The following SGCD variants were observed in gnomAD, a reference collection of about 807,000 sequenced individuals.
SGCD encodes delta-sarcoglycan.
In SGCD, 18 loss-of-function variants were observed where a neutral mutation model predicts 36.6. That is an observed-to-expected ratio of 0.49 (90% CI 0.34 to 0.73). The LOEUF is 0.73. SGCD is among the 30% of genes least tolerant of loss of function. The pLI is 0.01. For synonymous variants in SGCD, 133 were observed against 130.6 expected, an observed-to-expected ratio of 1.02 and a Z score of -0.12; for missense variants, 387 against 346.7, an observed-to-expected ratio of 1.12 and a Z score of -0.92.
the SGCD span, among the ~76,000 whole-genome samples, chr5:155,845,254 A>G: frequency 6.6e-6 from 1 of 152,106 alleles, no homozygotes; most frequent in Non-Finnish European, 1.5e-5. Context: ...CATTTATAGT[A>G]ATTACTACCA....
At chr5:156,014,775 G>C (rs900107696) in intron 1 of SGCD, among the ~76,000 whole-genome samples, 1 of 152,060 alleles carries the variant, frequency 6.6e-6, no homozygotes, top group African/African-American at 2.4e-5. Context: ...TCTTAGTTTA[G>C]AACAGCCCTC....
chr5:156,618,046 C>A (rs1280392839), intron 6 of SGCD, among the ~76,000 whole-genome samples: 3 of 152,182 alleles, frequency 2.0e-5, no homozygotes, highest in African/African-American at 4.8e-5. Context: ...CTCTTTGCTT[C>A]TTTTTCCTTT....
intron 1 of SGCD, among the ~76,000 whole-genome samples, chr5:156,116,191 T>C (rs984922056): frequency 1.3e-5 from 2 of 152,112 alleles, no homozygotes; most frequent in Admixed American, 1.3e-4. Flanking sequence ...ATGATCTGGT[T>C]CTCCAAAGAT....
rs373523572 is a variant in SGCD at position 156,164,432 on chromosome 5, C to T, written c.-44+40413C>T. Among the ~76,000 whole-genome samples the T allele has an allele frequency of 3.3e-5, 5 of 152,094 alleles. No homozygotes were observed. In the East Asian group the frequency reaches 9.6e-4, roughly 29 times the overall value. On this transcript the variant is annotated intron_variant, in intron 3 of 9. Transcript: ENST00000517913. ...TCTGCCTTTTCAGCCTTGTTCCCCACTCCCACCCTTGCAGCTCCTTTCATG... is the reference window on the plus strand; with the variant it reads ...TCTGCCTTTTCAGCCTTGTTCCCCATTCCCACCCTTGCAGCTCCTTTCATG...
intron 6 of SGCD, among the ~76,000 whole-genome samples, chr5:156,609,832 C>T (rs992546342): frequency 5.9e-5 from 9 of 152,200 alleles, no homozygotes; most frequent in Non-Finnish European, 5.9e-5. Flanking sequence ...TCCAGTTGAT[C>T]GAATCGGCTC....
chr5:156,706,138 T>C (rs1754731073), intron 7 of SGCD, among the ~76,000 whole-genome samples: 1 of 152,140 alleles, frequency 6.6e-6, no homozygotes, highest in African/African-American at 2.4e-5. Flanking sequence ...CAATAGCAGG[T>C]ACAAATTCCA....
chr5:156,360,309 AC>A (rs1398798992), intron 3 of SGCD, among the ~76,000 whole-genome samples: 4 of 147,626 alleles, frequency 2.7e-5, no homozygotes, highest in Non-Finnish European at 5.9e-5. Context: ...GTGCAATGGC[AC>A]AGTCTTGGCT....
chr5:156,165,781 C>T (rs540176732), intron 3 of SGCD, among the ~76,000 whole-genome samples: 1 of 152,274 alleles, frequency 6.6e-6, no homozygotes, highest in Admixed American at 6.5e-5. Context: ...TCATTACTTT[C>T]TCTGGCTTAC....
chr5:156,608,461 C>A (rs143073862), intron 6 of SGCD, among the ~76,000 whole-genome samples: 10,379 of 152,208 alleles, frequency 0.068, 500 homozygotes, highest in Non-Finnish European at 0.11. Context: ...GCTTTACTTC[C>A]AACTATGTGG....
At chr5:156,479,904 G>T (rs1755348675) in intron 3 of SGCD, among the ~76,000 whole-genome samples, 1 of 152,170 alleles carries the variant, frequency 6.6e-6, no homozygotes, top group Non-Finnish European at 1.5e-5. Flanking sequence ...TACCCGCTTT[G>T]ACCTGAATAT....
intron 1 of SGCD, among the ~76,000 whole-genome samples, chr5:156,067,654 C>T (rs1035459305): frequency 8.7e-6 from 1 of 114,456 alleles, no homozygotes; most frequent in Non-Finnish European, 1.6e-5. Context: ...TGCGCCGTTT[C>T]TTAAGCCGGT....
chr5:156,605,171 G>A (rs1761378457), intron 6 of SGCD, among the ~76,000 whole-genome samples: 2 of 151,978 alleles, frequency 1.3e-5, no homozygotes. Context: ...TTTAACATGA[G>A]GTATATCTCA....
rs1289757738 is a variant in SGCD at position 156,506,378 on chromosome 5, C to A, written c.193-2223C>A. Among the ~76,000 whole-genome samples the A allele has an allele frequency of 2.0e-5, 3 of 152,218 alleles. No individual in the cohort carries two copies. In the East Asian group the frequency reaches 5.8e-4, roughly 29 times the overall value. On this transcript the variant is annotated intron_variant, in intron 3 of 8. Transcript: ENST00000337851. ...TCACACACACACACAGACACACACA[C>A]ACACACCCCTTATTTTCCAGTTCCG...
At chr5:156,100,369 G>A (rs1479769257) in intron 1 of SGCD, among the ~76,000 whole-genome samples, 2 of 151,986 alleles carry the variant, frequency 1.3e-5, no homozygotes, top group African/African-American at 4.8e-5. Context: ...GGAATCCTGG[G>A]AATGTCCAAA....
At chr5:155,951,475 G>C (rs892911019) in intron 1 of SGCD, among the ~76,000 whole-genome samples, 1 of 152,188 alleles carries the variant, frequency 6.6e-6, no homozygotes, top group Non-Finnish European at 1.5e-5. Flanking sequence ...AAACTACCCT[G>C]TGATGCTAAG....
intron 1 of SGCD, among the ~76,000 whole-genome samples, chr5:155,977,247 A>G (rs1380101859): frequency 6.6e-6 from 1 of 152,046 alleles, no homozygotes; most frequent in African/African-American, 2.4e-5. Context: ...TGTTCACATC[A>G]CTTATTGTTT....
At chr5:156,504,392 G>GTGTA (rs1413599402) in intron 3 of SGCD, among the ~76,000 whole-genome samples, 22 of 75,072 alleles carry the variant, frequency 2.9e-4, no homozygotes, top group African/African-American at 6.6e-4. Context: ...GTGTGTGTGT[G>GTGTA]TATATATATA....
chr5:155,815,963 T>C, the SGCD span, among the ~76,000 whole-genome samples: 2 of 152,180 alleles, frequency 1.3e-5, no homozygotes, highest in Admixed American at 6.5e-5. Context: ...TGACTAGATA[T>C]TTTGAAGTTA....
At chr5:156,310,238 T>C (rs114610864) in intron 3 of SGCD, among the ~76,000 whole-genome samples, 2,411 of 152,300 alleles carry the variant, frequency 0.016, 67 homozygotes, top group African/African-American at 0.055. Context: ...AAAAGAAATA[T>C]AAAGTTGGTG....
Sources: allele counts gnomAD v4.1 joint callset (sites outside exome capture counted in the v4.1 genomes callset), GRCh38; gene constraint gnomAD v4.1.1; transcripts MANE v1.5; gene names NCBI Gene and HGNC (gene_info 2026-07-23, HGNC 2026-07-21).